Variants in SLC9A2 observed in about 807,000 individuals in gnomAD.
The protein encoded by SLC9A2 is sodium/hydrogen exchanger 2.
A neutral mutation model predicts 71.7 loss-of-function variants in SLC9A2; 42 were observed. The ratio of observed to expected loss-of-function variants is 0.59; its 90% confidence interval spans 0.46 to 0.76. The LOEUF (loss-of-function observed/expected upper bound fraction) is 0.76, where lower values mean the gene tolerates loss of function less well. Among genes scored for constraint, SLC9A2 ranks in the 30% least tolerant of loss-of-function variants. SLC9A2 has a pLI of 0.00. For synonymous variants in SLC9A2, 396 were observed against 392.5 expected (o/e 1.01, Z -0.10); for missense variants, 829 against 1,017.4 (o/e 0.81, Z 2.52).
At chr2:102,633,042 G>A (rs1676405664) in intron 1 of SLC9A2, among the ~76,000 whole-genome samples, 2 of 152,146 alleles carry the variant, frequency 1.3e-5, no homozygotes. Flanking sequence ...GAAAGGTGGA[G>A]ATGAGTGAGA....
intron 3 of SLC9A2, among the ~76,000 whole-genome samples, chr2:102,669,496 C>T (rs956150205): frequency 3.9e-5 from 6 of 152,190 alleles, no homozygotes; most frequent in East Asian, 3.9e-4. Context: ...TCCACAGCAC[C>T]AGAACTGTAG....
intron 1 of SLC9A2, among the ~76,000 whole-genome samples, chr2:102,654,195 C>CTTTTTTTTTT (rs34248413): frequency 1.1e-5 from 1 of 89,534 alleles, no homozygotes; most frequent in African/African-American, 4.7e-5. Context: ...TTGGCTGACT[C>CTTTTTTTTTT]TTTTTTTTTT....
chr2:102,637,420 A>G (rs1016271306), intron 1 of SLC9A2, among the ~76,000 whole-genome samples: 5 of 152,336 alleles, frequency 3.3e-5, no homozygotes, highest in African/African-American at 1.2e-4. Context: ...CCTGGGGCAC[A>G]GTTGCAGTGC....
intron 3 of SLC9A2, among the ~76,000 whole-genome samples, chr2:102,668,570 A>G: frequency 6.6e-6 from 1 of 152,238 alleles, no homozygotes; most frequent in South Asian, 2.1e-4. Flanking sequence ...TTTACCATTT[A>G]TAAACCAATT....
intron 3 of SLC9A2, among the ~76,000 whole-genome samples, chr2:102,679,468 G>T (rs1677408001): frequency 6.6e-6 from 1 of 151,050 alleles, no homozygotes; most frequent in Admixed American, 6.6e-5. Context: ...TGCAAGCTCT[G>T]CCTCCCGGGT....
intron 1 of SLC9A2, among the ~76,000 whole-genome samples, chr2:102,655,978 A>C (rs1287362327): frequency 6.6e-6 from 1 of 152,252 alleles, no homozygotes; most frequent in Non-Finnish European, 1.5e-5. Flanking sequence ...AGGAGCCCTC[A>C]TGGCCTAATC....
intron 1 of SLC9A2, among the ~76,000 whole-genome samples, chr2:102,629,145 A>T (rs1231733622): frequency 6.6e-6 from 1 of 152,112 alleles, no homozygotes; most frequent in Non-Finnish European, 1.5e-5. Context: ...GGGTACATTA[A>T]AATCACTTCT....
chr2:102,687,090 G>C (rs1443230863), intron 5 of SLC9A2, among the ~76,000 whole-genome samples: 1 of 152,204 alleles, frequency 6.6e-6, no homozygotes, highest in Non-Finnish European at 1.5e-5. Context: ...GTCTGGCCAA[G>C]TTCACTTGGA....
chr2:102,691,613 T>C (rs1022304967), intron 5 of SLC9A2, among the ~76,000 whole-genome samples: 1 of 152,206 alleles, frequency 6.6e-6, no homozygotes, highest in African/African-American at 2.4e-5. Context: ...GAGCATGATA[T>C]GACTATTGCA....
chr2:102,646,302 G>C (rs541456490), intron 1 of SLC9A2, among the ~76,000 whole-genome samples: 1 of 152,244 alleles, frequency 6.6e-6, no homozygotes, highest in East Asian at 1.9e-4. Flanking sequence ...CCTGAAGGAA[G>C]CACTAAATAT....
intron 2 of SLC9A2, 143 bp from the exon 3 acceptor site, chr2:102,664,957 G>T: frequency 1.2e-6 from 1 of 844,262 alleles, no homozygotes; most frequent in East Asian, 2.4e-5. Flanking sequence ...TGAGACAAAT[G>T]AATACACAAT....
intron 5 of SLC9A2, chr2:102,689,693 T>A (rs1009148752): frequency 7.2e-5 from 11 of 152,236 alleles, no homozygotes; most frequent in Non-Finnish European, 7.3e-5. Context: ...CAGGCTTTTT[T>A]AAGATGGAAC....
At chr2:102,650,793 T>G (rs534724401) in intron 1 of SLC9A2, among the ~76,000 whole-genome samples, 50 of 152,324 alleles carry the variant, frequency 3.3e-4, no homozygotes, top group Non-Finnish European at 5.9e-4. Flanking sequence ...GCGATGTGTT[T>G]AGCAGTGGTG....
Position 102,657,660 on chromosome 2 carries a change from A to G in SLC9A2, c.386A>G (p.Asp129Gly). ...CTAGGTGGGATTATTTTTGGTGTTG[A>G]TGAGAAGTCTCCCCCTGCAATGAAG... ...LLLGGIIFGV[D>G]EKSPPAMKTD... Residue 129 changes from aspartate to glycine, a missense_variant, in exon 2 of 12, where the codon GAT becomes GGT. Asp to Gly is a moderately conservative substitution (Grantham distance 94). Coordinates refer to ENST00000233969, the MANE Select transcript of SLC9A2 (RefSeq NM_003048.6). 6.2e-7 allele frequency: 1 copy of G among 1,614,068 alleles called. No individual in the cohort carries two copies. Among genetic ancestry groups the G allele is most frequent in the Non-Finnish European group, 8.5e-7 (1 of 1,180,000 alleles).
At chr2:102,650,350 G>A (rs963622552) in intron 1 of SLC9A2, among the ~76,000 whole-genome samples, 12 of 152,186 alleles carry the variant, frequency 7.9e-5, no homozygotes, top group African/African-American at 2.2e-4. Context: ...AGGAGGGAGA[G>A]CATTAGGACA....
intron 10 of SLC9A2, 63 bp downstream of exon 10, chr2:102,704,738 A>G: frequency 1.3e-6 from 2 of 1,544,682 alleles, no homozygotes; most frequent in Non-Finnish European, 1.8e-6. Context: ...TCCATTGATC[A>G]GCTGATGGTA....
intron 1 of SLC9A2, among the ~76,000 whole-genome samples, chr2:102,621,730 A>G (rs982594408): frequency 7.9e-5 from 12 of 152,314 alleles, no homozygotes; most frequent in Non-Finnish European, 1.8e-4. Flanking sequence ...ATTGCCCAGG[A>G]CAGTGCTGAG....
chr2:102,629,916 G>T (rs1676325874), intron 1 of SLC9A2, among the ~76,000 whole-genome samples: 1 of 152,042 alleles, frequency 6.6e-6, no homozygotes, highest in Non-Finnish European at 1.5e-5. Context: ...ATAGGCTGTT[G>T]TGTAAAGTAA....
chr2:102,661,401 A>G (rs549986440), intron 2 of SLC9A2, among the ~76,000 whole-genome samples: 1 of 152,336 alleles, frequency 6.6e-6, no homozygotes, highest in South Asian at 2.1e-4. Flanking sequence ...AGGAAGATGG[A>G]GGGTAAGCAG....
Sources: gnomAD v4.1 joint callset for allele counts (sites outside exome capture counted in the v4.1 genomes callset) on GRCh38, gnomAD v4.1.1 for gene constraint, MANE v1.5 for transcripts, NCBI Gene and HGNC (gene_info 2026-07-23, HGNC 2026-07-21) for gene names.